The following PKD1 variants were observed in gnomAD, a reference collection of about 807,000 sequenced individuals.
The protein encoded by PKD1 is polycystin 1, transient receptor potential channel interacting, also known as polycystin-1.
Under a neutral mutation model 361.7 loss-of-function variants are expected in PKD1, and 81 were observed. That is an observed-to-expected ratio of 0.22 (90% confidence interval 0.19 to 0.27). PKD1 has a LOEUF of 0.27. PKD1 is among the 10% of genes least tolerant of loss of function. PKD1 has a pLI of 1.00. For synonymous variants in PKD1, 3,615 were observed against 2,818.3 expected (o/e 1.28, Z -8.95); for missense variants, 6,399 against 6,118.3 (o/e 1.05, Z -1.53).
At position 2,118,143 on chromosome 16, in the gene PKD1, A is replaced by G. The variant is rs1249201759; in HGVS notation, c.849T>C (p.Pro283=). ...AGGCTGCTAGCTGGCCAGAGGCCAG[A>G]GGTCCGTGGGGCCCCACCAGGGTGG... ...PGATLVGPHG[P]LASGQLAAFH... Residue 283 remains proline (P), a synonymous_variant, in exon 5 of 46, where the codon CCT becomes CCC. Transcript: ENST00000262304. The surrounding 1 kb of genome is among the most constrained non-coding windows in gnomAD (Gnocchi z 6.0). 9.4e-6 allele frequency: 15 copies of G among 1,592,430 alleles called. No homozygotes were observed. Among genetic ancestry groups the G allele is most frequent in the Admixed American group, 5.2e-5 (3 of 57,436 alleles).
At position 2,093,747 on chromosome 16, in the gene PKD1, G is replaced by C. The variant is rs1468420117; in HGVS notation, c.10822-9C>G. 1 of 1,575,450 alleles carries C rather than the reference G, an allele frequency of 6.3e-7. No homozygotes were observed. Among genetic ancestry groups the C allele is most frequent in the Admixed American group, 1.8e-5 (1 of 56,230 alleles). ...AGGGCTTCCAGCAAGACCTGGGGAG[G>C]GGGTGGCTTCAGAGGGGTCCCCCGT... On this transcript the variant is annotated splice_polypyrimidine_tract_variant and intron_variant, in intron 36 of 45. Coordinates refer to ENST00000262304, the MANE Select transcript of PKD1 (RefSeq NM_001009944.3).
At chr16:2,092,359 C>T (rs756424837) in intron 39 of PKD1, 121 bp downstream of exon 39, 150 of 965,470 alleles carry the variant, frequency 1.6e-4, no homozygotes, top group Non-Finnish European at 2.2e-4. Flanking sequence ...AAGGAAACGG[C>T]GGTGTTAAGA....
chr16:2,103,872 A>G lies in PKD1; in HGVS notation c.8185T>C (p.Ser2729Pro). 2 of 1,559,072 alleles carry G rather than the reference A, an allele frequency of 1.3e-6. No homozygotes were observed. The highest frequency in any genetic ancestry group is 1.7e-6 in the Non-Finnish European group (2 of 1,152,390). The change falls in exon 23 of 46, where the codon TCG (serine) becomes CCG (proline). Residue 2729 changes from serine to proline, a missense_variant. Physicochemically the swap from Ser to Pro is moderately conservative, Grantham distance 74 (BLOSUM62 -1). Coordinates refer to ENST00000262304, the MANE Select transcript of PKD1 (RefSeq NM_001009944.3). ...ITGDLIHLAS[S>P]DVRAPQPSEL... Reference sequence around the variant, plus strand: ...GAGGGCTGTGGTGCCCGCACGTCCGAGCTGGCCAGGTGGATGAGGTCTCCT... The same window carrying G: ...GAGGGCTGTGGTGCCCGCACGTCCGGGCTGGCCAGGTGGATGAGGTCTCCT...
At chr16:2,120,030 A>G in intron 1 of PKD1, 1 of 592,006 alleles carries the variant, frequency 1.7e-6, no homozygotes, top group South Asian at 2.0e-5. Context: ...TGGGCAACAC[A>G]GTGAGACCCC....
intron 38 of PKD1, 47 bp from the exon 39 acceptor site, chr16:2,092,639 C>T (rs372243851): frequency 1.6e-5 from 21 of 1,344,608 alleles, no homozygotes; most frequent in African/African-American, 5.7e-5. Context: ...GCCCCATGCC[C>T]GCCTCGAGTG....
chr16:2,090,003 G>A lies in PKD1; in HGVS notation c.12636C>T (p.Pro4212=), dbSNP rs1227872675. 4.3e-6 allele frequency: 7 copies of A among 1,610,184 alleles called. No homozygotes were observed. The highest frequency in any genetic ancestry group is 3.3e-4 in the Middle Eastern group (2 of 6,062). The part of the protein sequence containing the change: ...GRLGTRCEPE[P]SRLQAVFEAL... ...CCTCGAACACGGCTTGGAGGCGGGA[G>A]GGCTCAGGCTCACACCTTGTCCCCA... Residue 4212 remains proline (P), a synonymous_variant, in exon 46 of 46, where the codon CCC becomes CCT. Transcript: ENST00000262304.
At chr16:2,128,375 T>C (rs1002724168) in intron 1 of PKD1, among the ~76,000 whole-genome samples, 1 of 150,086 alleles carries the variant, frequency 6.7e-6, no homozygotes, top group African/African-American at 2.5e-5. Context: ...CCCAAGCAGC[T>C]GCACCTGGGC....
rs1321421286 is a variant in PKD1 at position 2,108,747 on chromosome 16, G to A, written c.6420C>T (p.Thr2140=). Reference sequence around the variant, plus strand: ...GCTCCCGGCAGGCCAGCACCTGGACGGTCACCGTGGCCTGCGCCACGAAGA... The same window carrying A: ...GCTCCCGGCAGGCCAGCACCTGGACAGTCACCGTGGCCTGCGCCACGAAGA... ...VSFFVAQATV[T]VQVLACREPE... Residue 2140 remains threonine, a synonymous_variant, in exon 15 of 46, where the codon ACC becomes ACT. Coordinates refer to ENST00000262304, the MANE Select transcript of PKD1 (RefSeq NM_001009944.3). 16 of 1,570,902 alleles carry A rather than the reference G, an allele frequency of 1.0e-5. No homozygotes were observed. The highest frequency in any genetic ancestry group is 2.2e-4 in the Middle Eastern group (1 of 4,446).
chr16:2,100,158 G>T lies in PKD1; in HGVS notation c.9712+8C>A, dbSNP rs560394356. ...CCCACGGAGTGGGAACATGGAACGA[G>T]GCCTTACTCGCGGCCAGCACCTCCT... On this transcript the variant is annotated splice_region_variant and intron_variant, in intron 28 of 45. Coordinates refer to ENST00000262304, the MANE Select transcript of PKD1 (RefSeq NM_001009944.3). This position sits in a 1 kb window ranked among gnomAD's most constrained non-coding sequence, Gnocchi z 4.4. The T allele has an allele frequency of 1.2e-6, 2 of 1,607,120 alleles. No homozygotes were observed. The highest frequency in any genetic ancestry group is 1.7e-6 in the Non-Finnish European group (2 of 1,176,764).
chr16:2,124,137 G>C (rs1234363730), intron 1 of PKD1, among the ~76,000 whole-genome samples: 1 of 152,184 alleles, frequency 6.6e-6, no homozygotes, highest in Non-Finnish European at 1.5e-5. Flanking sequence ...AGCAGGAGCA[G>C]CAACAGCAGA....
intron 1 of PKD1, among the ~76,000 whole-genome samples, chr16:2,131,288 G>C (rs993724683): frequency 5.3e-5 from 8 of 152,074 alleles, no homozygotes; most frequent in Non-Finnish European, 1.2e-4. Context: ...GAGGCGGGAG[G>C]ATCACGAGGT....
In PKD1 at chr16:2,118,528, C is replaced by T. The variant is rs576798320; in HGVS notation, c.530-66G>A. Reference sequence around the variant, plus strand: ...TGGCTCCACCCCACGCCCCCACATCCGCCCGCCGCACTCACAGGCTCCCAT... The same window carrying T: ...TGGCTCCACCCCACGCCCCCACATCTGCCCGCCGCACTCACAGGCTCCCAT... On this transcript the variant is annotated intron_variant, in intron 4 of 45. Coordinates refer to ENST00000262304, the MANE Select transcript of PKD1 (RefSeq NM_001009944.3). The surrounding 1 kb of genome is among the most constrained non-coding windows in gnomAD (Gnocchi z 6.0). The T allele has an allele frequency of 1.1e-4, 148 of 1,377,804 alleles. 4 individuals are homozygous for T. In the South Asian group the frequency reaches 1.4e-3, roughly 13 times the overall value. 85.3% of individuals were successfully genotyped at this position (1,377,804 alleles called of 1,614,324 possible). A position where few individuals can be genotyped will look rare whatever the true frequency, so the allele number is the denominator to read the frequency against.
At chr16:2,092,724 T>C in intron 38 of PKD1, 132 bp from the exon 39 acceptor site, 1 of 845,392 alleles carries the variant, frequency 1.2e-6, no homozygotes, top group Non-Finnish European at 2.0e-6. Flanking sequence ...CTTCTCAGCC[T>C]TATCCTGGGG....
chr16:2,105,620 A>G, intron 20 of PKD1, 146 bp from the exon 21 acceptor site: 19 of 1,562,894 alleles, frequency 1.2e-5, no homozygotes, highest in Non-Finnish European at 1.6e-5. Context: ...CTGTTTCTTC[A>G]TGGGCAAAAC....
At position 2,100,822 on chromosome 16, in the gene PKD1, C is replaced by G; in HGVS notation, c.9398-256G>C. The G allele has an allele frequency of 1.9e-6, 1 of 537,438 alleles. No individual in the cohort carries two copies. Among genetic ancestry groups the G allele is most frequent in the East Asian group, 3.2e-5 (1 of 30,786 alleles). 33.3% of individuals were successfully genotyped at this position (537,438 alleles called of 1,614,324 possible). On this transcript the variant is annotated intron_variant, in intron 26 of 45. Transcript: ENST00000262304. The surrounding 1 kb of genome is among the most constrained non-coding windows in gnomAD (Gnocchi z 4.4). ...CATGCAAACATGGCTGCACACGCCT[C>G]AGTCCACACCACAACCAGTGACCCG...
chr16:2,115,897 C>G (rs2092625364), intron 9 of PKD1, 95 bp downstream of exon 9: 1 of 1,391,626 alleles, frequency 7.2e-7, no homozygotes, highest in Non-Finnish European at 1.0e-6. Context: ...GGGAACCACT[C>G]TGGTGGCCAC....
chr16:2,114,110 G>A (rs2092587466), intron 11 of PKD1, 60 bp downstream of exon 11: 5 of 1,436,716 alleles, frequency 3.5e-6, no homozygotes, highest in Non-Finnish European at 4.8e-6. Context: ...CGCCCTGTGT[G>A]AGCACCCTGT....
intron 30 of PKD1, 167 bp from the exon 31 acceptor site, chr16:2,098,151 G>A (rs922966098): frequency 2.6e-5 from 16 of 609,778 alleles, no homozygotes; most frequent in Admixed American, 5.3e-5. Flanking sequence ...GCAGCCCCTC[G>A]CGACGTGTGC....
Position 2,108,353 on chromosome 16 carries a change from G to A in PKD1, c.6814C>T (p.Arg2272Trp), listed in dbSNP as rs771264023. 5.4e-5 allele frequency: 87 copies of A among 1,609,370 alleles called. No individual in the cohort carries two copies. Among genetic ancestry groups the A allele is most frequent in the Middle Eastern group, 2.2e-4 (1 of 4,450 alleles). Residue 2272 changes from arginine to tryptophan, a missense_variant, in exon 15 of 46, where the codon CGG becomes TGG. By Grantham distance (101) the Arg-to-Trp change is moderately radical (BLOSUM62 -3). Transcript: ENST00000262304. ...GGSYRVWSDT[R>W]DLVLDGSESY... Reference sequence around the variant, plus strand: ...TCGCTCCCATCCAGCACCAGGTCCCGTGTGTCTGACCACACGCGGTATGAG... The same window carrying A: ...TCGCTCCCATCCAGCACCAGGTCCCATGTGTCTGACCACACGCGGTATGAG...
Sources: gnomAD v4.1 joint callset for allele counts (sites outside exome capture counted in the v4.1 genomes callset) on GRCh38, gnomAD v4.1.1 for gene constraint, Gnocchi (gnomAD v3.1) non-coding constraint, MANE v1.5 for transcripts, NCBI Gene and HGNC (gene_info 2026-07-23, HGNC 2026-07-21) for gene names.